The following ARPC2 variants were observed in gnomAD, a reference collection of about 807,000 sequenced individuals.
The protein encoded by ARPC2 is actin-related protein 2/3 complex subunit 2.
ARPC2 carries 4 observed loss-of-function variants against 38.6 expected under a neutral mutation model. That is an observed-to-expected ratio of 0.10 (90% CI 0.05 to 0.24). The LOEUF (loss-of-function observed/expected upper bound fraction) is 0.24. Among genes scored for constraint, ARPC2 ranks in the 10% least tolerant of loss-of-function variants. The pLI, the probability that ARPC2 is intolerant of heterozygous loss-of-function variation, is 1.00. For missense variants in ARPC2, 229 were observed against 387.3 expected (o/e 0.59, Z 3.43); for synonymous variants, 125 against 140.8 (o/e 0.89, Z 0.79).
In ARPC2 at chr2:218,217,493, A is replaced by G. The variant is rs916136916; in HGVS notation, c.23A>G (p.Asn8Ser). MILLEVNNRIIEETLALK... is the reference protein window; with the variant it reads MILLEVNSRIIEETLALK... ...GCCATGATCCTGCTGGAGGTGAACA[A>G]CCGCATCATCGAGGAGACGCTCGCG... The change falls in exon 2 of 11, where the codon AAC becomes AGC. Residue 8 changes from asparagine (N) to serine (S), a missense_variant. Coordinates refer to ENST00000315717, the MANE Select transcript of ARPC2 (RefSeq NM_152862.3). 5 of 1,613,708 alleles carry G rather than the reference A, an allele frequency of 3.1e-6. No individual in the cohort carries two copies. The highest frequency in any genetic ancestry group is 4.2e-6 in the Non-Finnish European group (5 of 1,179,840).
intron 2 of ARPC2, among the ~76,000 whole-genome samples, chr2:218,225,650 A>G (rs1038318992): frequency 2.6e-5 from 4 of 152,248 alleles, no homozygotes; most frequent in Admixed American, 1.3e-4. Context: ...AGTGAGCACC[A>G]ACCAAAGCAG....
At chr2:218,239,031 A>G (rs1421372091) in intron 6 of ARPC2, 181 bp downstream of exon 6, 2 of 587,002 alleles carry the variant, frequency 3.4e-6, no homozygotes, top group East Asian at 5.7e-5. Context: ...CCTACTCTCC[A>G]GATACTGAGA....
At chr2:218,245,823 G>A (rs980732218) in intron 8 of ARPC2, among the ~76,000 whole-genome samples, 5 of 152,056 alleles carry the variant, frequency 3.3e-5, no homozygotes, top group African/African-American at 1.2e-4. Context: ...AAGAGTTAAG[G>A]TCCCTTCAAT....
chr2:218,236,364 T>A (rs1161761583), intron 5 of ARPC2: 1 of 152,140 alleles, frequency 6.6e-6, no homozygotes, highest in Non-Finnish European at 1.5e-5. Context: ...TATTTGGTTT[T>A]CAAGTACCCA....
At chr2:218,221,326 G>T (rs914064820) in intron 2 of ARPC2, among the ~76,000 whole-genome samples, 7 of 152,240 alleles carry the variant, frequency 4.6e-5, no homozygotes, top group Non-Finnish European at 1.0e-4. Context: ...ATTAAATCTT[G>T]CTGATACTCT....
Position 218,226,922 on chromosome 2 carries a change from A to G in ARPC2, c.109+968A>G, listed in dbSNP as rs758709180. On this transcript the variant is annotated intron_variant, in intron 3 of 10. Transcript: ENST00000315717. ...AACATGAACAGCTAGAGATGTGTTC[A>G]TCAAGTCAGAGAGAGATGTTGCTGC... The G allele has an allele frequency of 2.1e-4, 95 of 447,482 alleles. 1 individual carries two copies. Among genetic ancestry groups the G allele is most frequent in the Middle Eastern group, 1.3e-3 (4 of 3,052 alleles). The allele number at this position is 447,482 out of a possible 1,614,324, so 27.7% of individuals were successfully genotyped here.
rs188556022 is a variant in ARPC2, at chr2:218,239,752, C to A, written c.549+268C>A. Among the ~76,000 whole-genome samples the A allele has an allele frequency of 2.1e-3, 313 of 152,040 alleles. 2 individuals are homozygous for A. Among genetic ancestry groups the A allele is most frequent in the African/African-American group, 7.0e-3 (290 of 41,444 alleles). On this transcript the variant is annotated intron_variant, in intron 7 of 10. Transcript: ENST00000315717. Reference sequence around the variant, plus strand: ...GGGATTGTAGGCATGCACCACCACACCCAGCTAATTTTGTATTTTTAGTAG... The same window carrying A: ...GGGATTGTAGGCATGCACCACCACAACCAGCTAATTTTGTATTTTTAGTAG...
intron 7 of ARPC2, among the ~76,000 whole-genome samples, chr2:218,245,067 T>C (rs1053968871): frequency 5.3e-5 from 8 of 152,210 alleles, no homozygotes; most frequent in Non-Finnish European, 1.2e-4. Context: ...TGATGAATTC[T>C]AAATAGCAAC....
intron 5 of ARPC2, 97 bp from the exon 6 acceptor site, chr2:218,238,567 T>C (rs1689829815): frequency 2.1e-6 from 2 of 948,112 alleles, no homozygotes; most frequent in East Asian, 2.5e-5. Context: ...AGTCTCTGTT[T>C]ACTTGGTATA....
intron 5 of ARPC2, among the ~76,000 whole-genome samples, chr2:218,237,641 G>C (rs1025620086): frequency 6.9e-6 from 1 of 145,600 alleles, no homozygotes; most frequent in Non-Finnish European, 1.5e-5. Context: ...ATATCAGCTC[G>C]CTGTAACCTC....
chr2:218,242,362 C>T (rs1265432118), intron 7 of ARPC2, among the ~76,000 whole-genome samples: 1 of 152,150 alleles, frequency 6.6e-6, no homozygotes, highest in African/African-American at 2.4e-5. Context: ...ATTTTAAAGT[C>T]AAGTTAGTAA....
At chr2:218,228,415 A>AT (rs574448061) in intron 3 of ARPC2, among the ~76,000 whole-genome samples, 101 of 152,200 alleles carry the variant, frequency 6.6e-4, no homozygotes, top group Non-Finnish European at 1.2e-3. Flanking sequence ...AAAAAAAAAA[A>AT]TCGTTGAAGC....
intron 5 of ARPC2, among the ~76,000 whole-genome samples, chr2:218,238,415 C>G (rs1383598570): frequency 6.6e-6 from 1 of 152,052 alleles, no homozygotes. Flanking sequence ...TTACAAGAAT[C>G]TTATAAAAAT....
At chr2:218,251,170 C>G (rs1322341739) in intron 10 of ARPC2, among the ~76,000 whole-genome samples, 1 of 151,786 alleles carries the variant, frequency 6.6e-6, no homozygotes, top group Non-Finnish European at 1.5e-5. Context: ...TGTTATTTGC[C>G]AGCACCCCAG....
intron 8 of ARPC2, among the ~76,000 whole-genome samples, chr2:218,247,042 T>G (rs1241236411): frequency 6.6e-6 from 1 of 152,036 alleles, no homozygotes; most frequent in Non-Finnish European, 1.5e-5. Flanking sequence ...AGAGGATCAC[T>G]TGAACCCAGG....
In ARPC2 at chr2:218,249,443, C is replaced by T. The variant is rs961314822; in HGVS notation, c.756C>T (p.His252=). ...TCCACACGTTCCGGGACTACCTGCACTACCACATCAAGTGCTCTAAGGTGA... is the reference window on the plus strand; with the variant it reads ...TCCACACGTTCCGGGACTACCTGCATTACCACATCAAGTGCTCTAAGGTGA... ...NLIHTFRDYL[H]YHIKCSKAYI... is the part of the protein sequence containing the mutation. The change falls in exon 9 of 11, where the codon CAC becomes CAT. Residue 252 remains histidine, a synonymous_variant. Coordinates refer to ENST00000315717, the MANE Select transcript of ARPC2 (RefSeq NM_152862.3). The T allele has an allele frequency of 1.9e-6, 3 of 1,612,030 alleles. No homozygotes were observed. The highest frequency in any genetic ancestry group is 1.7e-4 in the Middle Eastern group (1 of 6,056).
intron 4 of ARPC2, among the ~76,000 whole-genome samples, chr2:218,230,292 T>C (rs1005553641): frequency 3.4e-5 from 4 of 116,652 alleles, no homozygotes; most frequent in Non-Finnish European, 6.6e-5. Context: ...TTTTTCTTTT[T>C]TTTTTTTTTT....
At chr2:218,239,871 A>G (rs548110115) in intron 7 of ARPC2, among the ~76,000 whole-genome samples, 12 of 152,262 alleles carry the variant, frequency 7.9e-5, no homozygotes, top group Middle Eastern at 3.4e-3. Context: ...TATTACAGGC[A>G]TGAGCCACCA....
At chr2:218,241,014 A>G (rs148731265) in intron 7 of ARPC2, among the ~76,000 whole-genome samples, 5 of 152,346 alleles carry the variant, frequency 3.3e-5, no homozygotes, top group African/African-American at 9.6e-5. Flanking sequence ...TAGGATGGAC[A>G]TGAGAGTTCA....
Sources: allele counts gnomAD v4.1 joint callset (sites outside exome capture counted in the v4.1 genomes callset), GRCh38; gene constraint gnomAD v4.1.1; transcripts MANE v1.5; gene names NCBI Gene and HGNC (gene_info 2026-07-23, HGNC 2026-07-21).